Variants in RSU1 observed in about 807,000 individuals in gnomAD.
RSU1 encodes Ras suppressor protein 1.
Under a neutral mutation model 31.1 loss-of-function variants are expected in RSU1, and 26 were observed. The observed-to-expected ratio is 0.84, with a 90% confidence interval of 0.61 to 1.16. The LOEUF is 1.16. RSU1 is among the 50% of genes most tolerant of loss of function. RSU1 has a pLI of 0.00. For missense variants in RSU1, 320 were observed against 339.1 expected (o/e 0.94, Z 0.44); for synonymous variants, 164 against 136.3 (o/e 1.20, Z -1.41).
chr10:16,684,133 T>C (rs1451754041), intron 8 of RSU1, among the ~76,000 whole-genome samples: 1 of 152,244 alleles, frequency 6.6e-6, no homozygotes, highest in African/African-American at 2.4e-5. Flanking sequence ...GAAAAAGATC[T>C]AGCTATGCTA....
chr10:16,606,979 C>T (rs1833816385), intron 8 of RSU1, among the ~76,000 whole-genome samples: 1 of 152,132 alleles, frequency 6.6e-6, no homozygotes, highest in African/African-American at 2.4e-5. Flanking sequence ...TGACACATGG[C>T]CGTGTGCTAT....
chr10:16,705,704 G>T (rs1195325679), intron 7 of RSU1, among the ~76,000 whole-genome samples: 4 of 152,144 alleles, frequency 2.6e-5, no homozygotes, highest in Non-Finnish European at 5.9e-5. Flanking sequence ...TGGCCAAGCT[G>T]GTCTTGAACT....
At chr10:16,641,984 A>G (rs1298851664) in intron 8 of RSU1, among the ~76,000 whole-genome samples, 1 of 152,222 alleles carries the variant, frequency 6.6e-6, no homozygotes, top group Non-Finnish European at 1.5e-5. Context: ...GATTCCTTTT[A>G]GCGCTGACAA....
intron 2 of RSU1, among the ~76,000 whole-genome samples, chr10:16,804,603 G>A (rs1838226943): frequency 1.3e-5 from 2 of 152,156 alleles, no homozygotes; most frequent in Non-Finnish European, 2.9e-5. Flanking sequence ...CCAAACTGTG[G>A]TACATCCAGA....
At chr10:16,699,322 C>T (rs1835740657) in intron 7 of RSU1, among the ~76,000 whole-genome samples, 1 of 152,174 alleles carries the variant, frequency 6.6e-6, no homozygotes, top group Admixed American at 6.5e-5. Flanking sequence ...GGTTCTCTTG[C>T]CTCACTCTGC....
chr10:16,657,107 C>T (rs964368965), intron 8 of RSU1, among the ~76,000 whole-genome samples: 4 of 152,208 alleles, frequency 2.6e-5, no homozygotes, highest in African/African-American at 7.2e-5. Flanking sequence ...CATGCACATG[C>T]TTAGCTGATG....
intron 8 of RSU1, among the ~76,000 whole-genome samples, chr10:16,673,652 C>A (rs1835164442): frequency 6.6e-6 from 1 of 152,158 alleles, no homozygotes; most frequent in Admixed American, 6.5e-5. Context: ...AGGTCAGGCT[C>A]CATCTCAAAT....
chr10:16,725,422 C>CTGAA (rs1836370305), intron 7 of RSU1, among the ~76,000 whole-genome samples: 1 of 152,136 alleles, frequency 6.6e-6, no homozygotes, highest in South Asian at 2.1e-4. Flanking sequence ...AACAGATACT[C>CTGAA]TGAAGTGTTA....
At chr10:16,608,490 C>T (rs1441759422) in intron 8 of RSU1, among the ~76,000 whole-genome samples, 1 of 152,174 alleles carries the variant, frequency 6.6e-6, no homozygotes, top group African/African-American at 2.4e-5. Flanking sequence ...CTCGGAGAAG[C>T]TGCATCTGGT....
At chr10:16,763,230 C>T (rs1455952525) in intron 4 of RSU1, among the ~76,000 whole-genome samples, 5 of 152,128 alleles carry the variant, frequency 3.3e-5, no homozygotes, top group Non-Finnish European at 7.3e-5. Context: ...TTTGTCTGTT[C>T]TCCCATTGCT....
chr10:16,642,294 G>C (rs1294571489), intron 8 of RSU1, among the ~76,000 whole-genome samples: 1 of 152,128 alleles, frequency 6.6e-6, no homozygotes, highest in Admixed American at 6.5e-5. Flanking sequence ...AAACCAAACA[G>C]GATAATCCAG....
intron 7 of RSU1, among the ~76,000 whole-genome samples, chr10:16,726,278 T>TC (rs1183558242): frequency 1.3e-5 from 2 of 149,412 alleles, no homozygotes; most frequent in Admixed American, 6.6e-5. Context: ...TTTTTTTTTT[T>TC]TTTTTTTTGA....
intron 8 of RSU1, among the ~76,000 whole-genome samples, chr10:16,646,339 A>T (rs1285456563): frequency 6.6e-6 from 1 of 152,032 alleles, no homozygotes; most frequent in East Asian, 1.9e-4. Context: ...TCAAGACTCA[A>T]AACAGCCCCT....
At chr10:16,645,164 T>G (rs1834513703) in intron 8 of RSU1, among the ~76,000 whole-genome samples, 1 of 152,112 alleles carries the variant, frequency 6.6e-6, no homozygotes, top group Non-Finnish European at 1.5e-5. Context: ...CATGTCAGAG[T>G]TGCAAATTTC....
chr10:16,785,015 T>C (rs1186480306), intron 2 of RSU1, among the ~76,000 whole-genome samples: 3 of 152,196 alleles, frequency 2.0e-5, no homozygotes, highest in Non-Finnish European at 4.4e-5. Flanking sequence ...TGATGGTTAA[T>C]ACTGAGTGTC....
rs1195436266 is a variant in RSU1, at chr10:16,727,005, C to G, written c.598+25534G>C. 8.8e-6 allele frequency: 4 copies of G among 454,764 alleles called. No homozygotes were observed. In the East Asian group the frequency reaches 2.8e-4, roughly 32 times the overall value. 28.2% of individuals were successfully genotyped at this position (454,764 alleles called of 1,614,324 possible). A position where few individuals can be genotyped will look rare whatever the true frequency, so the allele number is the denominator to read the frequency against. ...ATTATCAAAAGCAACACTCTGAACT[C>G]CAGAACATTTGCTTTAACAACTTAC... On this transcript the variant is annotated intron_variant, in intron 7 of 8. Transcript: ENST00000345264.
intron 7 of RSU1, among the ~76,000 whole-genome samples, chr10:16,745,595 G>A (rs754184118): frequency 6.6e-5 from 10 of 151,860 alleles, no homozygotes; most frequent in Non-Finnish European, 1.2e-4. Context: ...GAGATCTTGT[G>A]AGACCCATTC....
chr10:16,816,569 G>T (rs1838536968), intron 2 of RSU1, among the ~76,000 whole-genome samples: 1 of 152,202 alleles, frequency 6.6e-6, no homozygotes, highest in African/African-American at 2.4e-5. Context: ...AACGCTCCAG[G>T]CACAAGAATG....
At chr10:16,797,547 G>A (rs923109271) in intron 2 of RSU1, among the ~76,000 whole-genome samples, 1 of 152,144 alleles carries the variant, frequency 6.6e-6, no homozygotes, top group African/African-American at 2.4e-5. Flanking sequence ...AAAGGAAAAA[G>A]AAAGTGTAGA....
Sources: allele counts gnomAD v4.1 joint callset (sites outside exome capture counted in the v4.1 genomes callset), GRCh38; gene constraint gnomAD v4.1.1; transcripts MANE v1.5; gene names NCBI Gene and HGNC (gene_info 2026-07-23, HGNC 2026-07-21).